Variants in ALK observed in about 807,000 individuals in gnomAD.
ALK encodes ALK receptor tyrosine kinase.
A neutral mutation model predicts 163.1 loss-of-function variants in ALK; 74 were observed. That is an observed-to-expected ratio of 0.45 (90% CI 0.38 to 0.55). The LOEUF (loss-of-function observed/expected upper bound fraction) is 0.55, where lower values mean the gene tolerates loss of function less well. Ranked by LOEUF, ALK falls within the 20% of genes least tolerant of loss-of-function variation. The pLI, the probability that ALK is intolerant of heterozygous loss-of-function variation, is 0.00. For missense variants in ALK, 2,063 were observed against 2,105.3 expected (o/e 0.98, Z 0.39); for synonymous variants, 960 against 843.2 (o/e 1.14, Z -2.40).
chr2:29,920,711 G>A lies in ALK; in HGVS notation c.-52C>T, dbSNP rs985685939. 18 of 1,469,450 alleles carry A rather than the reference G, an allele frequency of 1.2e-5. No homozygotes were observed. In the African/African-American group the frequency reaches 1.5e-4, roughly 13 times the overall value. The allele number at this position is 1,469,450 out of a possible 1,614,324, so 91.0% of individuals were successfully genotyped here. A position where few individuals can be genotyped will look rare whatever the true frequency, so the allele number is the denominator to read the frequency against. ...CTCTCCGGGCCCAGCCTCACCCTTC[G>A]CTCTCCCCGAGATGGGAAGAGGCTC... On this transcript the variant is annotated 5_prime_UTR_variant, in exon 1 of 29. Transcript: ENST00000389048.
At position 29,320,741 on chromosome 2, in the gene ALK, G is replaced by C. The variant is rs199539102; in HGVS notation, c.1546+10C>G. The C allele has an allele frequency of 6.2e-7, 1 of 1,613,346 alleles. No individual in the cohort carries two copies. Among genetic ancestry groups the C allele is most frequent in the Non-Finnish European group, 8.5e-7 (1 of 1,179,914 alleles). On this transcript the variant is annotated intron_variant, in intron 7 of 28. Coordinates refer to ENST00000389048, the MANE Select transcript of ALK (RefSeq NM_004304.5). The stretch of plus-strand genomic sequence containing the variant: ...TGGGCACCAGAGAGAAGGCAGGAGA[G>C]CAGTAGTACCTTGGTGGTCCTGGAA...
intron 1 of ALK, among the ~76,000 whole-genome samples, chr2:29,806,108 G>A (rs1664605510): frequency 6.6e-6 from 1 of 152,148 alleles, no homozygotes; most frequent in Non-Finnish European, 1.5e-5. Context: ...AAAAATCAAT[G>A]CATTGTTATC....
At chr2:29,653,918 T>A (rs1315177053) in intron 3 of ALK, among the ~76,000 whole-genome samples, 1 of 151,896 alleles carries the variant, frequency 6.6e-6, no homozygotes, top group African/African-American at 2.4e-5. Context: ...AAAAATCAGC[T>A]GGGCAGGGCA....
At chr2:29,529,215 C>T (rs1395954561) in intron 4 of ALK, among the ~76,000 whole-genome samples, 3 of 152,184 alleles carry the variant, frequency 2.0e-5, no homozygotes, top group Non-Finnish European at 2.9e-5. Context: ...CTTGTCATTC[C>T]TCAGCCCACT....
chr2:29,656,447 C>T (rs549157032), intron 3 of ALK, among the ~76,000 whole-genome samples: 25 of 152,228 alleles, frequency 1.6e-4, no homozygotes, highest in African/African-American at 6.0e-4. Context: ...ATATTTCTTC[C>T]CACAGGCAGG....
intron 4 of ALK, among the ~76,000 whole-genome samples, chr2:29,398,390 A>G (rs1159764951): frequency 6.6e-6 from 1 of 152,190 alleles, no homozygotes; most frequent in African/African-American, 2.4e-5. Flanking sequence ...TCTCCAAAAC[A>G]GGAATAGCCC....
At chr2:29,839,797 T>C (rs1340759889) in intron 1 of ALK, among the ~76,000 whole-genome samples, 2 of 152,178 alleles carry the variant, frequency 1.3e-5, no homozygotes, top group African/African-American at 2.4e-5. Flanking sequence ...GCTCTTGGTG[T>C]CTCTTCTGTG....
chr2:29,895,148 G>A (rs780851856), intron 1 of ALK, among the ~76,000 whole-genome samples: 4 of 152,116 alleles, frequency 2.6e-5, no homozygotes, highest in Admixed American at 1.3e-4. Context: ...GGCAGGATTT[G>A]GATTTGGCAA....
In ALK at chr2:29,440,073, GA is replaced by G. The variant is rs556413503; in HGVS notation, c.1155-56215del. Among the ~76,000 whole-genome samples, 868 of 145,860 alleles carry G rather than the reference GA, an allele frequency of 6.0e-3. 3 individuals are homozygous for G. The highest frequency in any genetic ancestry group is 7.1e-3 in the Non-Finnish European group (468 of 65,972). Reference sequence around the variant, plus strand: ...ATGGTGAAACCCCGTCTCTACTAAAGAAAAAAAAAAATTAGCCGGACGTACT... The same window carrying G: ...ATGGTGAAACCCCGTCTCTACTAAAGAAAAAAAAAATTAGCCGGACGTACT... On this transcript the variant is annotated intron_variant, in intron 4 of 28. Coordinates refer to ENST00000389048, the MANE Select transcript of ALK (RefSeq NM_004304.5).
At chr2:29,552,850 A>G (rs755740567) in intron 3 of ALK, among the ~76,000 whole-genome samples, 2 of 152,176 alleles carry the variant, frequency 1.3e-5, no homozygotes, top group Non-Finnish European at 2.9e-5. Flanking sequence ...CTACCAGAGC[A>G]TGGGCTGCCT....
At chr2:29,290,417 G>A (rs957981371) in intron 9 of ALK, among the ~76,000 whole-genome samples, 20 of 152,326 alleles carry the variant, frequency 1.3e-4, no homozygotes, top group African/African-American at 4.3e-4. Context: ...GTCAGTAGGC[G>A]AGTGATGTCT....
chr2:29,378,809 G>A (rs899430286), intron 5 of ALK, among the ~76,000 whole-genome samples: 3 of 147,440 alleles, frequency 2.0e-5, no homozygotes, highest in African/African-American at 4.9e-5. Context: ...TCTGCCTCCC[G>A]GGTTCAAGCT....
At chr2:29,788,490 A>G (rs989220406) in intron 1 of ALK, among the ~76,000 whole-genome samples, 1 of 152,164 alleles carries the variant, frequency 6.6e-6, no homozygotes, top group Non-Finnish European at 1.5e-5. Flanking sequence ...GTCTGGGAGA[A>G]ATTAGAAGTT....
chr2:29,556,134 G>A, intron 3 of ALK, among the ~76,000 whole-genome samples: 1 of 152,180 alleles, frequency 6.6e-6, no homozygotes, highest in East Asian at 1.9e-4. Flanking sequence ...AGTATCTGCA[G>A]AGCCTATCTG....
intron 4 of ALK, among the ~76,000 whole-genome samples, chr2:29,464,046 C>A (rs1671148541): frequency 6.6e-6 from 1 of 152,148 alleles, no homozygotes; most frequent in African/African-American, 2.4e-5. Flanking sequence ...TTGAAACTAT[C>A]AAACTGATTT....
intron 3 of ALK, among the ~76,000 whole-genome samples, chr2:29,682,653 A>G (rs1678111304): frequency 6.6e-6 from 1 of 152,220 alleles, no homozygotes; most frequent in South Asian, 2.1e-4. Flanking sequence ...AGCTGAAGCA[A>G]TATTGGATAT....
intron 3 of ALK, among the ~76,000 whole-genome samples, chr2:29,532,978 C>G (rs1673159778): frequency 6.6e-6 from 1 of 152,160 alleles, no homozygotes; most frequent in Admixed American, 6.5e-5. Context: ...TGCAGATAAC[C>G]CAGTTTCCCA....
intron 5 of ALK, among the ~76,000 whole-genome samples, chr2:29,374,734 TG>T: frequency 6.6e-6 from 1 of 152,214 alleles, no homozygotes; most frequent in Non-Finnish European, 1.5e-5. Context: ...CAGATCTCAG[TG>T]GCTGATGAAA....
chr2:29,857,719 T>A (rs965576474), intron 1 of ALK, among the ~76,000 whole-genome samples: 3 of 152,212 alleles, frequency 2.0e-5, no homozygotes, highest in African/African-American at 7.2e-5. Flanking sequence ...CATACTCTCG[T>A]TAAATGAACA....
Sources: allele counts gnomAD v4.1 joint callset (sites outside exome capture counted in the v4.1 genomes callset), GRCh38; gene constraint gnomAD v4.1.1; transcripts MANE v1.5; gene names NCBI Gene and HGNC (gene_info 2026-07-23, HGNC 2026-07-21).